ASIC2: variants seen among roughly 807,000 people sequenced by gnomAD.
ASIC2 encodes acid sensing ion channel subunit 2, also known as acid-sensing ion channel 2.
In ASIC2, 25 loss-of-function variants were observed where a neutral mutation model predicts 57.3. The ratio of observed to expected loss-of-function variants is 0.44; its 90% CI spans 0.32 to 0.61. ASIC2 has a LOEUF of 0.61. ASIC2 is among the 20% of genes least tolerant of loss of function. ASIC2 has a pLI of 0.06. For synonymous variants in ASIC2, 319 were observed against 307.5 expected (o/e 1.04, Z -0.39); for missense variants, 641 against 738.1 (o/e 0.87, Z 1.52).
At chr17:33,611,927 G>A (rs1040342570) in intron 1 of ASIC2, among the ~76,000 whole-genome samples, 6 of 152,198 alleles carry the variant, frequency 3.9e-5, no homozygotes, top group African/African-American at 1.4e-4. Flanking sequence ...AAGATCTGCA[G>A]CCAGCAAGCT....
At chr17:33,193,578 C>T (rs1253204115) in intron 1 of ASIC2, among the ~76,000 whole-genome samples, 1 of 152,190 alleles carries the variant, frequency 6.6e-6, no homozygotes, top group East Asian at 1.9e-4. Context: ...GAATTTACAT[C>T]CCCCTGGGGA....
intron 1 of ASIC2, among the ~76,000 whole-genome samples, chr17:33,412,932 G>A (rs960823743): frequency 9.9e-5 from 15 of 152,166 alleles, no homozygotes; most frequent in African/African-American, 3.6e-4. Context: ...AGCGTGCAAG[G>A]AACCCCCCAC....
intron 1 of ASIC2, among the ~76,000 whole-genome samples, chr17:33,652,919 C>T (rs1906962702): frequency 6.6e-6 from 1 of 152,154 alleles, no homozygotes; most frequent in Non-Finnish European, 1.5e-5. Context: ...ACACACTTGG[C>T]CTGGTAAAGC....
chr17:34,034,322 T>C (rs1040513997), intron 1 of ASIC2, among the ~76,000 whole-genome samples: 3 of 152,176 alleles, frequency 2.0e-5, no homozygotes, highest in African/African-American at 7.2e-5. Context: ...CCCTTCATGC[T>C]AAAAACTCTC....
chr17:33,664,303 C>T (rs906238337), intron 1 of ASIC2, among the ~76,000 whole-genome samples: 2 of 152,208 alleles, frequency 1.3e-5, no homozygotes, highest in Admixed American at 1.3e-4. Flanking sequence ...CTCTGGCCAG[C>T]CAGTCAAAGT....
intron 1 of ASIC2, among the ~76,000 whole-genome samples, chr17:34,132,150 C>T (rs1911994466): frequency 6.6e-6 from 1 of 152,180 alleles, no homozygotes; most frequent in African/African-American, 2.4e-5. Context: ...CAGAGTATGG[C>T]TTCAGAAAAG....
At chr17:33,187,905 G>GAAAAAAAAAAAAAAAA (rs60454518) in intron 1 of ASIC2, among the ~76,000 whole-genome samples, 1 of 90,742 alleles carries the variant, frequency 1.1e-5, no homozygotes, top group African/African-American at 3.6e-5. Context: ...GGTCAGGGAT[G>GAAAAAAAAAAAAAAAA]AAAAAAAAAA....
chr17:33,864,621 G>T (rs575594374), intron 1 of ASIC2, among the ~76,000 whole-genome samples: 2 of 152,324 alleles, frequency 1.3e-5, no homozygotes, highest in African/African-American at 2.4e-5. Flanking sequence ...TGAAGGTGGA[G>T]GGGAGACTGT....
intron 1 of ASIC2, among the ~76,000 whole-genome samples, chr17:33,750,130 AT>A (rs1246163210): frequency 6.6e-6 from 1 of 152,032 alleles, no homozygotes; most frequent in Non-Finnish European, 1.5e-5. Context: ...TGTTGTTGTG[AT>A]GTGTGGGTGT....
At chr17:33,580,068 C>T (rs1159552874) in intron 1 of ASIC2, 1 of 152,180 alleles carries the variant, frequency 6.6e-6, no homozygotes, top group African/African-American at 2.4e-5. Context: ...CAAGTCCCCA[C>T]CTGACCCAGA....
intron 1 of ASIC2, among the ~76,000 whole-genome samples, chr17:34,121,025 C>G (rs1403380280): frequency 6.6e-6 from 1 of 152,052 alleles, no homozygotes; most frequent in Non-Finnish European, 1.5e-5. Context: ...CAGGCGTGAA[C>G]CACCGTGCCT....
chr17:33,513,904 C>T (rs1914495177), intron 1 of ASIC2, among the ~76,000 whole-genome samples: 1 of 152,258 alleles, frequency 6.6e-6, no homozygotes, highest in African/African-American at 2.4e-5. Flanking sequence ...CCTTCCAGCC[C>T]CCAGCTCAGG....
chr17:34,147,992 A>C (rs76322375), intron 1 of ASIC2, among the ~76,000 whole-genome samples: 1,562 of 152,266 alleles, frequency 0.01, 23 homozygotes, highest in African/African-American at 0.036. Flanking sequence ...AATCAGTAGC[A>C]AACTAGGATT....
chr17:33,640,449 A>T (rs1206453048), intron 1 of ASIC2, among the ~76,000 whole-genome samples: 1 of 152,152 alleles, frequency 6.6e-6, no homozygotes, highest in Non-Finnish European at 1.5e-5. Flanking sequence ...ACCACAAAGC[A>T]CCTCCTGATC....
chr17:33,108,989 C>A (rs1482893043), intron 2 of ASIC2, among the ~76,000 whole-genome samples: 1 of 152,134 alleles, frequency 6.6e-6, no homozygotes, highest in Non-Finnish European at 1.5e-5. Flanking sequence ...AGCCACTAGC[C>A]CCCTGCAGCT....
At chr17:33,128,829 T>C (rs2092334475) in intron 1 of ASIC2, among the ~76,000 whole-genome samples, 1 of 152,212 alleles carries the variant, frequency 6.6e-6, no homozygotes, top group Non-Finnish European at 1.5e-5. Flanking sequence ...AAGGTGGCCA[T>C]AGTAGTCACC....
chr17:33,682,064 T>G (rs1443818837), intron 1 of ASIC2, among the ~76,000 whole-genome samples: 1 of 147,362 alleles, frequency 6.8e-6, no homozygotes, highest in Non-Finnish European at 1.5e-5. Flanking sequence ...TGACATCTTT[T>G]TTTTTTTTTT....
At chr17:33,368,579 C>A (rs956413127) in intron 1 of ASIC2, among the ~76,000 whole-genome samples, 1 of 152,208 alleles carries the variant, frequency 6.6e-6, no homozygotes, top group African/African-American at 2.4e-5. Context: ...TCAAAACAAA[C>A]AAGGAGAGCA....
intron 1 of ASIC2, among the ~76,000 whole-genome samples, chr17:33,639,456 G>A (rs1173071391): frequency 2.0e-5 from 3 of 152,182 alleles, no homozygotes; most frequent in Admixed American, 2.0e-4. Context: ...AGTCTCTTAT[G>A]TTTATCTTAC....
Sources: allele counts gnomAD v4.1 joint callset (sites outside exome capture counted in the v4.1 genomes callset), GRCh38; gene constraint gnomAD v4.1.1; transcripts MANE v1.5; gene names NCBI Gene and HGNC (gene_info 2026-07-23, HGNC 2026-07-21).